ACOT7: variants seen among roughly 807,000 people sequenced by gnomAD.
The protein encoded by ACOT7 is cytosolic acyl coenzyme A thioester hydrolase.
ACOT7 carries 12 observed loss-of-function variants against 40.2 expected under a neutral mutation model. The ratio of observed to expected loss-of-function variants is 0.30; its 90% CI spans 0.19 to 0.48. ACOT7 has a LOEUF of 0.48. Among genes scored for constraint, ACOT7 ranks in the 20% least tolerant of loss-of-function variants. The probability of loss-of-function intolerance (pLI) is 0.99; values close to 1 mark genes in which losing one functional copy is unlikely to be tolerated. For synonymous variants in ACOT7, 228 were observed against 219.5 expected (o/e 1.04, Z -0.34); for missense variants, 395 against 530.8 (o/e 0.74, Z 2.51).
At chr1:6,267,347 C>T (rs1162911404) in intron 8 of ACOT7, among the ~76,000 whole-genome samples, 1 of 152,224 alleles carries the variant, frequency 6.6e-6, no homozygotes, top group Non-Finnish European at 1.5e-5. Context: ...TCTGCGGAGC[C>T]AACGCCACCA....
At chr1:6,377,580 A>G (rs1408165156) in intron 1 of ACOT7, among the ~76,000 whole-genome samples, 2 of 152,306 alleles carry the variant, frequency 1.3e-5, no homozygotes, top group South Asian at 4.1e-4. Context: ...TTTATAAGGT[A>G]CAAGACAAGG....
Position 6,382,241 on chromosome 1 carries a change from T to C in ACOT7, c.143+11016A>G, listed in dbSNP as rs547651873. 5.1e-3 allele frequency among the ~76,000 whole-genome samples: 753 copies of C among 147,796 alleles called. 14 individuals carry two copies. The highest frequency in any genetic ancestry group is 0.014 in the Middle Eastern group (4 of 280). ...CAACATGGGGAAACCCCGTCTCTACTAAAAATACAAAAATTAGCTGGGCGT... is the reference window on the plus strand; with the variant it reads ...CAACATGGGGAAACCCCGTCTCTACCAAAAATACAAAAATTAGCTGGGCGT... On this transcript the variant is annotated intron_variant, in intron 1 of 8. Transcript: ENST00000361521.
At chr1:6,334,752 C>A (rs921635248) in intron 3 of ACOT7, among the ~76,000 whole-genome samples, 3 of 152,244 alleles carry the variant, frequency 2.0e-5, no homozygotes, top group African/African-American at 7.2e-5. Flanking sequence ...GCCTAGAGAT[C>A]CCTGGTGTAC....
chr1:6,392,565 G>A (rs1473445862), intron 1 of ACOT7, among the ~76,000 whole-genome samples: 2 of 152,270 alleles, frequency 1.3e-5, no homozygotes, highest in Middle Eastern at 3.4e-3. Context: ...TGCTCTAGAA[G>A]GACAACCCTT....
chr1:6,285,151 AC>A (rs1191813900), intron 7 of ACOT7, among the ~76,000 whole-genome samples: 3 of 151,804 alleles, frequency 2.0e-5, no homozygotes, highest in African/African-American at 7.3e-5. Flanking sequence ...GACAGGCTGG[AC>A]CCCTCTGGGG....
At chr1:6,281,564 C>T (rs755347533) in intron 7 of ACOT7, among the ~76,000 whole-genome samples, 4 of 152,242 alleles carry the variant, frequency 2.6e-5, no homozygotes, top group Non-Finnish European at 4.4e-5. Context: ...CTCTCCTGGC[C>T]GGGAGTGGCA....
intron 1 of ACOT7, chr1:6,360,520 C>A (rs1393575734): frequency 2.5e-6 from 4 of 1,607,670 alleles, no homozygotes. Context: ...AAACACACTT[C>A]CCTCCCCTGA....
At chr1:6,383,860 A>G (rs10449322) in intron 1 of ACOT7, among the ~76,000 whole-genome samples, 52,617 of 151,394 alleles carry the variant, frequency 0.35, 14,844 homozygotes, top group African/African-American at 0.77. Flanking sequence ...GCCCGCCACC[A>G]CACTCGGCTA....
chr1:6,364,884 A>G (rs1388819189), intron 1 of ACOT7, among the ~76,000 whole-genome samples: 4 of 143,894 alleles, frequency 2.8e-5, no homozygotes, highest in Non-Finnish European at 4.5e-5. Flanking sequence ...TTAGCCAGGC[A>G]TGGTGGTGGG....
chr1:6,327,206 C>A, intron 5 of ACOT7, 93 bp downstream of exon 5: 1 of 1,306,256 alleles, frequency 7.7e-7, no homozygotes, highest in South Asian at 1.3e-5. Context: ...TGGGGAACCT[C>A]AAGCATGAGG....
chr1:6,385,798 GCTCC>G (rs1642429029), intron 1 of ACOT7: 1 of 1,430,740 alleles, frequency 7.0e-7, no homozygotes, highest in Non-Finnish European at 9.1e-7. Context: ...CCAGGCTCCT[GCTCC>G]TCCTAGGACC....
In ACOT7 at chr1:6,365,181, G is replaced by T. The variant is rs572768957; in HGVS notation, c.144-15315C>A. ...ACACAAACTATAGTGACAGAAAGCA[G>T]ATCAGAGGTTGCCTGGGGGCAGGGA... On this transcript the variant is annotated intron_variant, in intron 1 of 8. Coordinates refer to ENST00000361521, the MANE Select transcript of ACOT7 (RefSeq NM_007274.4). Among the ~76,000 whole-genome samples the T allele has an allele frequency of 2.6e-5, 4 of 152,338 alleles. No homozygotes were observed. In the South Asian group the frequency reaches 8.3e-4, roughly 32 times the overall value.
In ACOT7 at chr1:6,339,685, C is replaced by T. The variant is rs1274810648; in HGVS notation, c.262-96G>A. The T allele has an allele frequency of 9.7e-6, 14 of 1,445,224 alleles. No homozygotes were observed. The East Asian group carries it at 2.4e-4, about 25-fold the overall frequency. 89.5% of individuals were successfully genotyped at this position (1,445,224 alleles called of 1,614,324 possible). A position where few individuals can be genotyped will look rare whatever the true frequency, so the allele number is the denominator to read the frequency against. On this transcript the variant is annotated intron_variant, in intron 2 of 8. Transcript: ENST00000361521. The stretch of plus-strand genomic sequence containing the variant: ...CCCCTGGAAACGGTCTTTGCCTTTG[C>T]TTTCATTCCCCACTGTGAAAGCAAC...
chr1:6,368,757 G>A (rs574659938), intron 1 of ACOT7, among the ~76,000 whole-genome samples: 23 of 152,314 alleles, frequency 1.5e-4, no homozygotes, highest in African/African-American at 5.3e-4. Context: ...TGCAAGGATG[G>A]GGGCGGTGCA....
intron 1 of ACOT7, among the ~76,000 whole-genome samples, chr1:6,365,250 T>A (rs555319397): frequency 6.6e-6 from 1 of 152,186 alleles, no homozygotes; most frequent in African/African-American, 2.4e-5. Context: ...ACAGGTCTGT[T>A]CACAGTCTCG....
chr1:6,366,865 G>T (rs1042921753), intron 1 of ACOT7, among the ~76,000 whole-genome samples: 1 of 152,008 alleles, frequency 6.6e-6, no homozygotes, highest in South Asian at 2.1e-4. Context: ...TGTCAGCCAA[G>T]ATGGTCTCGA....
intron 1 of ACOT7, among the ~76,000 whole-genome samples, chr1:6,384,845 T>C (rs1642408605): frequency 6.6e-6 from 1 of 151,778 alleles, no homozygotes; most frequent in Non-Finnish European, 1.5e-5. Flanking sequence ...TCAAAATTGA[T>C]GGAGGTCATG....
intron 8 of ACOT7, among the ~76,000 whole-genome samples, 158 bp from the exon 9 acceptor site, chr1:6,264,853 C>T (rs1189806335): frequency 6.6e-6 from 1 of 151,340 alleles, no homozygotes; most frequent in Non-Finnish European, 1.5e-5. Context: ...CCTCCTGGGA[C>T]TGCCGGGTAG....
At chr1:6,387,881 G>A (rs1210936605) in intron 1 of ACOT7, among the ~76,000 whole-genome samples, 6 of 152,056 alleles carry the variant, frequency 3.9e-5, no homozygotes, top group South Asian at 2.1e-4. Context: ...ATCATTTTGC[G>A]GAATGCTCCA....
Sources: allele counts gnomAD v4.1 joint callset (sites outside exome capture counted in the v4.1 genomes callset), GRCh38; gene constraint gnomAD v4.1.1; transcripts MANE v1.5; gene names NCBI Gene and HGNC (gene_info 2026-07-23, HGNC 2026-07-21).